PCOLCE2: variants seen among roughly 807,000 people sequenced by gnomAD.
The protein encoded by PCOLCE2 is procollagen C-proteinase enhancer 2.
PCOLCE2 carries 42 observed loss-of-function variants against 47.0 expected under a neutral mutation model. The ratio of observed to expected loss-of-function variants is 0.89; its 90% confidence interval spans 0.70 to 1.16. The LOEUF (loss-of-function observed/expected upper bound fraction) is 1.16, where lower values mean the gene tolerates loss of function less well. Ranked by LOEUF, PCOLCE2 falls within the 50% of genes most tolerant of loss-of-function variation. The pLI, the probability that PCOLCE2 is intolerant of heterozygous loss-of-function variation, is 0.00. For synonymous variants in PCOLCE2, 169 were observed against 191.7 expected (o/e 0.88, Z 0.98); for missense variants, 500 against 526.1 (o/e 0.95, Z 0.49).
intron 5 of PCOLCE2, among the ~76,000 whole-genome samples, chr3:142,830,811 T>A (rs547160388): frequency 3.2e-4 from 49 of 152,232 alleles, no homozygotes; most frequent in Non-Finnish European, 6.6e-4. Context: ...GTAGAAAAAA[T>A]TTAACAAGTT....
At chr3:142,819,759 C>T (rs1936991371) in intron 8 of PCOLCE2, among the ~76,000 whole-genome samples, 1 of 152,166 alleles carries the variant, frequency 6.6e-6, no homozygotes, top group Non-Finnish European at 1.5e-5. Flanking sequence ...CATCCTCTTG[C>T]TTCAGCCTCA....
At chr3:142,860,725 G>A (rs1293302091) in intron 2 of PCOLCE2, among the ~76,000 whole-genome samples, 1 of 152,186 alleles carries the variant, frequency 6.6e-6, no homozygotes. Context: ...TGTTCTTTAA[G>A]TTAGCTTAGT....
intron 2 of PCOLCE2, among the ~76,000 whole-genome samples, chr3:142,875,235 A>G (rs1031993786): frequency 6.6e-6 from 1 of 152,212 alleles, no homozygotes; most frequent in Admixed American, 6.5e-5. Flanking sequence ...GTAAGTTGTA[A>G]CCACTAAAGC....
intron 2 of PCOLCE2, 115 bp downstream of exon 2, chr3:142,887,554 A>T (rs1933738779): frequency 1.6e-6 from 1 of 643,636 alleles, no homozygotes; most frequent in East Asian, 2.6e-5. Context: ...CCAACATTTC[A>T]CTATTTCAGG....
chr3:142,838,718 A>T (rs1453186475), intron 5 of PCOLCE2, 52 bp downstream of exon 5: 4 of 1,508,074 alleles, frequency 2.7e-6, no homozygotes, highest in Non-Finnish European at 3.6e-6. Context: ...ACTGAACAAG[A>T]AACAAGTTTA....
At chr3:142,824,238 C>A (rs529586389) in intron 6 of PCOLCE2, among the ~76,000 whole-genome samples, 1 of 151,724 alleles carries the variant, frequency 6.6e-6, no homozygotes, top group African/African-American at 2.4e-5. Context: ...TTCTTAAGTA[C>A]GGGTGACGTT....
Position 142,827,599 on chromosome 3 carries a change from G to A in PCOLCE2, c.865+2093C>T, listed in dbSNP as rs111476918. On this transcript the variant is annotated intron_variant, in intron 6 of 8. Transcript: ENST00000295992. ...CAATGTTGAGCTGGGCCTTCTTGCC[G>A]CAATACACAAACTGGCCCGTGTGAA... The A allele has an allele frequency of 3.3e-3, 4,903 of 1,474,502 alleles. 150 individuals carry two copies. In the African/African-American group the frequency reaches 0.061, roughly 18 times the overall value. 91.3% of individuals were successfully genotyped at this position (1,474,502 alleles called of 1,614,324 possible).
intron 5 of PCOLCE2, among the ~76,000 whole-genome samples, chr3:142,830,486 C>T (rs571331538): frequency 1.3e-5 from 2 of 152,128 alleles, no homozygotes; most frequent in East Asian, 1.9e-4. Context: ...GGCAGTTCTT[C>T]GGTATGTCTG....
chr3:142,861,353 CCT>C (rs1276542257), intron 2 of PCOLCE2, among the ~76,000 whole-genome samples: 1 of 152,164 alleles, frequency 6.6e-6, no homozygotes, highest in African/African-American at 2.4e-5. Context: ...CTCCAAATTC[CCT>C]GTTCTTTCTT....
intron 1 of PCOLCE2, among the ~76,000 whole-genome samples, chr3:142,888,466 C>T (rs779409643): frequency 2.6e-5 from 4 of 152,232 alleles, no homozygotes; most frequent in Non-Finnish European, 4.4e-5. Context: ...AGCGGTAAAC[C>T]AAAATCCACA....
At position 142,829,689 on chromosome 3, in the gene PCOLCE2, T is replaced by C. The variant is rs780068976; in HGVS notation, c.865+3A>G. 8 of 1,567,324 alleles carry C rather than the reference T, an allele frequency of 5.1e-6. No homozygotes were observed. Among genetic ancestry groups the C allele is most frequent in the Non-Finnish European group, 6.9e-6 (8 of 1,158,808 alleles). ...GCACAAACTTCCAAACAGGAAAACT[T>C]ACCCGTGGTTACAGGGAATGTGGTG... is the stretch of plus-strand genomic sequence containing the variant. On this transcript the variant is annotated splice_donor_region_variant and intron_variant, in intron 6 of 8. Coordinates refer to ENST00000295992, the MANE Select transcript of PCOLCE2 (RefSeq NM_013363.4).
At chr3:142,827,405 T>C in intron 6 of PCOLCE2, 1 of 1,568,580 alleles carries the variant, frequency 6.4e-7, no homozygotes, top group Non-Finnish European at 8.8e-7. Flanking sequence ...GACAACCTTC[T>C]TGGAGCCAGA....
intron 5 of PCOLCE2, among the ~76,000 whole-genome samples, chr3:142,836,317 C>T (rs1227507899): frequency 6.6e-6 from 1 of 152,196 alleles, no homozygotes; most frequent in Non-Finnish European, 1.5e-5. Flanking sequence ...CTTTTCTATA[C>T]ATGCTGTGGT....
intron 2 of PCOLCE2, among the ~76,000 whole-genome samples, chr3:142,876,329 G>A (rs557881396): frequency 5.3e-5 from 8 of 152,100 alleles, no homozygotes; most frequent in Admixed American, 2.6e-4. Flanking sequence ...TGTACACACA[G>A]TAATTTCAGT....
At chr3:142,865,210 G>A (rs59163496) in intron 2 of PCOLCE2, among the ~76,000 whole-genome samples, 2,594 of 149,816 alleles carry the variant, frequency 0.017, 79 homozygotes, top group African/African-American at 0.06. Context: ...AGCTTATTGT[G>A]GTTTTGATTG....
At chr3:142,865,708 A>G (rs1933270736) in intron 2 of PCOLCE2, among the ~76,000 whole-genome samples, 1 of 152,234 alleles carries the variant, frequency 6.6e-6, no homozygotes, top group South Asian at 2.1e-4. Flanking sequence ...TTTAGAAATA[A>G]CTACAAATAC....
At chr3:142,827,367 C>A (rs1464184693) in intron 6 of PCOLCE2, 1 of 1,534,048 alleles carries the variant, frequency 6.5e-7, no homozygotes, top group Non-Finnish European at 9.0e-7. Context: ...CCAGCCACCA[C>A]ACCAACCACA....
At chr3:142,874,316 C>T (rs1046461624) in intron 2 of PCOLCE2, among the ~76,000 whole-genome samples, 3 of 152,200 alleles carry the variant, frequency 2.0e-5, no homozygotes, top group African/African-American at 4.8e-5. Context: ...CTTTGTGATC[C>T]GCCTGCCTTG....
chr3:142,834,161 C>T (rs1303789673), intron 5 of PCOLCE2, among the ~76,000 whole-genome samples: 1 of 152,286 alleles, frequency 6.6e-6, no homozygotes, highest in East Asian at 1.9e-4. Flanking sequence ...CTACCCATCA[C>T]TCTTTTAAAA....
Sources: allele counts gnomAD v4.1 joint callset (sites outside exome capture counted in the v4.1 genomes callset), GRCh38; gene constraint gnomAD v4.1.1; transcripts MANE v1.5; gene names NCBI Gene and HGNC (gene_info 2026-07-23, HGNC 2026-07-21).